BTRC: variants seen among roughly 807,000 people sequenced by gnomAD.
BTRC encodes the protein F-box/WD repeat-containing protein 1A.
Under a neutral mutation model 85.5 loss-of-function variants are expected in BTRC, and 42 were observed. The ratio of observed to expected loss-of-function variants is 0.49; its 90% CI spans 0.38 to 0.64. BTRC has a LOEUF of 0.64. BTRC is among the 30% of genes least tolerant of loss of function. BTRC has a pLI of 0.00. For missense variants in BTRC, 594 were observed against 743.5 expected, an observed-to-expected ratio of 0.80 and a Z score of 2.34; for synonymous variants, 255 against 263.3, an observed-to-expected ratio of 0.97 and a Z score of 0.30.
intron 3 of BTRC, among the ~76,000 whole-genome samples, chr10:101,477,444 G>T (rs1945719513): frequency 6.6e-6 from 1 of 152,142 alleles, no homozygotes; most frequent in African/African-American, 2.4e-5. Flanking sequence ...TAATAAGTTT[G>T]CTTTTCATAA....
intron 2 of BTRC, among the ~76,000 whole-genome samples, chr10:101,461,420 A>T (rs1226164824): frequency 2.0e-5 from 3 of 152,102 alleles, no homozygotes; most frequent in Non-Finnish European, 4.4e-5. Flanking sequence ...CTGACATTTT[A>T]GGGCCTCTAG....
rs940138892 is a variant in BTRC, at chr10:101,475,268, G to A, written c.235-4100G>A. On this transcript the variant is annotated intron_variant, in intron 3 of 14. Coordinates refer to ENST00000370187, the MANE Select transcript of BTRC (RefSeq NM_033637.4). ...GTTTAAAAGAAAAACAGCTGGGCGT[G>A]GTGGCTCACGCCTGCAATCCCAGCA... is the stretch of plus-strand genomic sequence containing the variant. Among the ~76,000 whole-genome samples the A allele has an allele frequency of 2.0e-5, 3 of 152,166 alleles. No individual in the cohort carries two copies. The South Asian group carries it at 6.2e-4, about 32-fold the overall frequency.
chr10:101,512,284 C>G (rs1265836577), intron 4 of BTRC, among the ~76,000 whole-genome samples: 1 of 152,190 alleles, frequency 6.6e-6, no homozygotes, highest in Non-Finnish European at 1.5e-5. Context: ...TATCCCCTTT[C>G]CCCCCATAGT....
rs775941333 is a variant in BTRC, at chr10:101,550,820, C to T, written c.1778C>T (p.Pro593Leu). 35 of 1,613,948 alleles carry T rather than the reference C, an allele frequency of 2.2e-5. No individual in the cohort carries two copies. Among genetic ancestry groups the T allele is most frequent in the Non-Finnish European group, 2.5e-5 (30 of 1,179,966 alleles). ...LNDPAAQAEPPRSPSRTYTYI... is the reference protein window; with the variant it reads ...LNDPAAQAEPLRSPSRTYTYI... ...GATCCAGCTGCCCAAGCTGAACCCC[C>T]CCGTTCCCCTTCTCGAACATACACC... The change falls in exon 14 of 15, where the codon CCC becomes CTC. Residue 593 changes from proline to leucine, a missense_variant. Around this residue, in one of 4 missense-constraint regions of BTRC, gnomAD observed 56 missense variants for 39.6 expected, o/e 1.41. Transcript: ENST00000370187.
At chr10:101,479,551 C>A in intron 4 of BTRC, 94 bp downstream of exon 4, 1 of 1,020,908 alleles carries the variant, frequency 9.8e-7, no homozygotes. Context: ...AGGATTATTA[C>A]AGGATTATAT....
chr10:101,367,133 C>T (rs1432347651), intron 1 of BTRC, among the ~76,000 whole-genome samples: 3 of 137,132 alleles, frequency 2.2e-5, no homozygotes, highest in Admixed American at 8.5e-5. Context: ...TGCAGTGGCG[C>T]GATCTTGGCT....
intron 5 of BTRC, among the ~76,000 whole-genome samples, chr10:101,522,578 G>A (rs2062133230): frequency 6.6e-6 from 1 of 151,042 alleles, no homozygotes; most frequent in Non-Finnish European, 1.5e-5. Flanking sequence ...CTACCACCAT[G>A]CCTGGCTAAT....
intron 13 of BTRC, among the ~76,000 whole-genome samples, chr10:101,543,484 C>A (rs897439816): frequency 4.7e-5 from 7 of 149,596 alleles, no homozygotes; most frequent in African/African-American, 1.5e-4. Context: ...TTTCTTAATC[C>A]AGCCTGACCA....
At chr10:101,511,306 C>T (rs774247651) in intron 4 of BTRC, among the ~76,000 whole-genome samples, 7 of 152,180 alleles carry the variant, frequency 4.6e-5, no homozygotes, top group Non-Finnish European at 8.8e-5. Flanking sequence ...TCCCCAAGAT[C>T]TTCACAAGAC....
intron 1 of BTRC, among the ~76,000 whole-genome samples, chr10:101,398,922 G>GATA (rs1943429968): frequency 2.6e-5 from 4 of 152,058 alleles, no homozygotes; most frequent in Non-Finnish European, 5.9e-5. Flanking sequence ...CCGAAATCTG[G>GATA]CCTTTCATGT....
intron 1 of BTRC, among the ~76,000 whole-genome samples, chr10:101,404,155 C>T (rs1435142334): frequency 4.7e-5 from 7 of 149,946 alleles, no homozygotes; most frequent in South Asian, 4.3e-4. Flanking sequence ...CTCAGCCTCT[C>T]GAGTAGCTGG....
chr10:101,526,280 A>G lies in BTRC; in HGVS notation c.743+81A>G, dbSNP rs575405884. The G allele has an allele frequency of 3.7e-5, 46 of 1,250,542 alleles. 2 individuals carry two copies. Among genetic ancestry groups the G allele is most frequent in the South Asian group, 1.3e-4 (9 of 66,736 alleles). 77.5% of individuals were successfully genotyped at this position (1,250,542 alleles called of 1,614,324 possible). ...TCACTGAAAGATTTTTGGGGAGCCA[A>G]TGAGACCACTTCTCATTTAATATGG... On this transcript the variant is annotated intron_variant, in intron 6 of 14. Coordinates refer to ENST00000370187, the MANE Select transcript of BTRC (RefSeq NM_033637.4).
rs1281509614 is a variant in BTRC, at chr10:101,366,976, T to TTA, written c.48+12754_48+12755dup. ...TATATATATTTATATAAATATATAT[T>TTA]TATATATTTATATATATTAATATAT... is the stretch of plus-strand genomic sequence containing the variant. On this transcript the variant is annotated intron_variant, in intron 1 of 14. Transcript: ENST00000370187. Among the ~76,000 whole-genome samples the TTA allele has an allele frequency of 3.4e-4, 20 of 58,792 alleles. 2 individuals carry two copies. Among genetic ancestry groups the TTA allele is most frequent in the African/African-American group, 1.2e-3 (20 of 16,326 alleles). 38.6% of individuals were successfully genotyped at this position (58,792 alleles called of 152,430 possible).
chr10:101,379,098 A>G (rs1272601281), intron 1 of BTRC, among the ~76,000 whole-genome samples: 2 of 152,270 alleles, frequency 1.3e-5, no homozygotes, highest in Non-Finnish European at 2.9e-5. Flanking sequence ...TTAATTGAGA[A>G]GAATCCTGCT....
chr10:101,505,396 G>T (rs1946508395), intron 4 of BTRC, among the ~76,000 whole-genome samples: 1 of 150,476 alleles, frequency 6.6e-6, no homozygotes, highest in East Asian at 2.0e-4. Context: ...GAGGCGGGCG[G>T]ATCATGAGGT....
At chr10:101,431,070 CTTTTTTTTT>C (rs748703752) in intron 2 of BTRC, among the ~76,000 whole-genome samples, 12 of 71,292 alleles carry the variant, frequency 1.7e-4, no homozygotes, top group East Asian at 4.0e-4. Context: ...CTCAGCCTTT[CTTTTTTTTT>C]TTTTTTTTTT....
At chr10:101,505,647 TAAA>T (rs954112337) in intron 4 of BTRC, among the ~76,000 whole-genome samples, 5 of 149,888 alleles carry the variant, frequency 3.3e-5, no homozygotes, top group African/African-American at 1.2e-4. Flanking sequence ...AAAATAATAA[TAAA>T]AAAACAAATA....
chr10:101,476,623 TA>T (rs1945694791), intron 3 of BTRC, among the ~76,000 whole-genome samples: 1 of 151,804 alleles, frequency 6.6e-6, no homozygotes, highest in South Asian at 2.1e-4. Flanking sequence ...CACGCCCAGT[TA>T]ATTTTTTTTT....
At chr10:101,366,058 A>G (rs1182897769) in intron 1 of BTRC, among the ~76,000 whole-genome samples, 2 of 152,112 alleles carry the variant, frequency 1.3e-5, no homozygotes, top group Non-Finnish European at 2.9e-5. Context: ...CTAAATTGCC[A>G]TGTATAAGTA....
Sources: allele counts gnomAD v4.1 joint callset (sites outside exome capture counted in the v4.1 genomes callset), GRCh38; gene constraint gnomAD v4.1.1; regional missense constraint gnomAD v4.1.1; transcripts MANE v1.5; gene names NCBI Gene and HGNC (gene_info 2026-07-23, HGNC 2026-07-21).